The following IPO11 variants were observed in gnomAD, a reference collection of about 807,000 sequenced individuals.
IPO11 encodes the protein importin-11.
A neutral mutation model predicts 143.2 loss-of-function variants in IPO11; 66 were observed. The observed-to-expected ratio is 0.46, with a 90% CI of 0.38 to 0.57. IPO11 has a LOEUF of 0.57. IPO11 is among the 20% of genes least tolerant of loss of function. IPO11 has a pLI of 0.00. For synonymous variants in IPO11, 385 were observed against 377.8 expected (o/e 1.02, Z -0.22); for missense variants, 1,026 against 1,141.0 (o/e 0.90, Z 1.45).
chr5:62,542,805 G>A (rs1163509198), intron 24 of IPO11, among the ~76,000 whole-genome samples: 5 of 152,122 alleles, frequency 3.3e-5, no homozygotes, highest in South Asian at 2.1e-4. Flanking sequence ...TATTACAGCC[G>A]TACTACTATG....
chr5:62,578,127 C>A (rs375767038), intron 27 of IPO11, among the ~76,000 whole-genome samples: 1 of 152,044 alleles, frequency 6.6e-6, no homozygotes, highest in Non-Finnish European at 1.5e-5. Context: ...GCAAAGATAA[C>A]CTATGTCAGT....
chr5:62,560,389 T>C (rs1386210352), intron 26 of IPO11, among the ~76,000 whole-genome samples: 2 of 152,236 alleles, frequency 1.3e-5, no homozygotes, highest in Non-Finnish European at 2.9e-5. Context: ...AATTTCTTCT[T>C]TCCTGGGCAT....
At position 62,467,282 on chromosome 5, in the gene IPO11, T is replaced by C. The variant is rs753131279; in HGVS notation, c.649+19T>C. ...TTGAAAGGTACTATTAAGCTTGATA[T>C]GTTCATTTTTGAAATGAGATACCTC... On this transcript the variant is annotated intron_variant, in intron 6 of 29. Coordinates refer to ENST00000325324, the MANE Select transcript of IPO11 (RefSeq NM_016338.5). The C allele has an allele frequency of 3.8e-6, 6 of 1,599,914 alleles. No individual in the cohort carries two copies. The highest frequency in any genetic ancestry group is 5.1e-6 in the Non-Finnish European group (6 of 1,174,118).
In IPO11 at chr5:62,420,373, G is replaced by A. The variant is rs116801010; in HGVS notation, c.-7+7444G>A. Among the ~76,000 whole-genome samples, 668 of 151,630 alleles carry A rather than the reference G, an allele frequency of 4.4e-3. 7 individuals are homozygous for A. Among genetic ancestry groups the A allele is most frequent in the African/African-American group, 0.016 (644 of 41,366 alleles). The stretch of plus-strand genomic sequence containing the variant: ...GCTTATTATCACTTTCAAGTGTTAT[G>A]TACTGTACCTAATTGTATGTGCTCT... On this transcript the variant is annotated intron_variant, in intron 1 of 29. Coordinates refer to ENST00000325324, the MANE Select transcript of IPO11 (RefSeq NM_016338.5).
chr5:62,547,100 A>G (rs1017528498), intron 24 of IPO11, among the ~76,000 whole-genome samples: 1 of 152,190 alleles, frequency 6.6e-6, no homozygotes, highest in African/African-American at 2.4e-5. Flanking sequence ...CTATTTGAGA[A>G]GAATATTTCA....
In IPO11 at chr5:62,487,628, TTAC is replaced by T. The variant is rs1469720547; in HGVS notation, c.1219-141_1219-139del. On this transcript the variant is annotated intron_variant, in intron 12 of 29. Coordinates refer to ENST00000325324, the MANE Select transcript of IPO11 (RefSeq NM_016338.5). ...TGTTGGTTATAAAAAAATGGTAACC[TTAC>T]TTTTTTTTTTTAACAAATCAAAAGT... The T allele has an allele frequency of 1.3e-3, 1,042 of 832,158 alleles. 5 individuals are homozygous for T. In the African/African-American group the frequency reaches 0.026, roughly 21 times the overall value. 51.5% of individuals were successfully genotyped at this position (832,158 alleles called of 1,614,324 possible).
chr5:62,424,398 C>G (rs1446469488), intron 1 of IPO11, among the ~76,000 whole-genome samples: 6 of 151,816 alleles, frequency 4.0e-5, no homozygotes, highest in African/African-American at 1.5e-4. Flanking sequence ...CGGGGCCTCC[C>G]AAAGTGCTGG....
chr5:62,482,980 AC>A (rs1561329071), intron 9 of IPO11, 120 bp from the exon 10 acceptor site: 4 of 636,228 alleles, frequency 6.3e-6, no homozygotes, highest in Non-Finnish European at 1.1e-5. Context: ...GTGAACATAG[AC>A]TCCACACTAA....
chr5:62,446,174 TGTAATGTATAACA>T (rs1744711025), intron 3 of IPO11, among the ~76,000 whole-genome samples: 1 of 152,210 alleles, frequency 6.6e-6, no homozygotes, highest in Admixed American at 6.5e-5. Context: ...TTCTTTGAAG[TGTAATGTATAACA>T]GACTTTAAAA....
At chr5:62,570,600 T>C (rs1744102373) in intron 27 of IPO11, among the ~76,000 whole-genome samples, 1 of 152,216 alleles carries the variant, frequency 6.6e-6, no homozygotes, top group Non-Finnish European at 1.5e-5. Flanking sequence ...TTCATTGCAC[T>C]CTGGCATCTT....
At chr5:62,449,637 G>T in intron 3 of IPO11, 1 of 206,190 alleles carries the variant, frequency 4.8e-6, no homozygotes. Flanking sequence ...TTATTCAATT[G>T]TGAAGGAATT....
chr5:62,463,587 C>T (rs1010366130), intron 5 of IPO11, among the ~76,000 whole-genome samples: 1 of 151,448 alleles, frequency 6.6e-6, no homozygotes, highest in Non-Finnish European at 1.5e-5. Context: ...GAGGGGATTG[C>T]TTGAGCCCAG....
chr5:62,548,064 AGT>A (rs1239337923), intron 24 of IPO11, among the ~76,000 whole-genome samples: 4,149 of 152,172 alleles, frequency 0.027, 187 homozygotes, highest in African/African-American at 0.092. Context: ...AATTGTAGGC[AGT>A]ATGTATTGAT....
Position 62,451,762 on chromosome 5 carries a change from A to G in IPO11, c.345A>G (p.Lys115=), listed in dbSNP as rs972392678. 9.9e-6 allele frequency: 16 copies of G among 1,614,036 alleles called. No homozygotes were observed. In the East Asian group the frequency reaches 3.1e-4, roughly 31 times the overall value. Residue 115 remains lysine (K), a synonymous_variant, in exon 5 of 30, where the codon AAA becomes AAG. Transcript: ENST00000325324. ...IATQIAVLIA[K]VARLDCPRQW... ...CTCAGATTGCAGTGCTCATTGCAAA[A>G]GTTGCTAGATTGGATTGTCCCAGAC...
At chr5:62,546,484 A>T (rs1315258292) in intron 24 of IPO11, among the ~76,000 whole-genome samples, 1 of 152,116 alleles carries the variant, frequency 6.6e-6, no homozygotes, top group Admixed American at 6.6e-5. Context: ...GCATTAGGAG[A>T]TATACCTAAT....
intron 9 of IPO11, among the ~76,000 whole-genome samples, chr5:62,481,329 T>C (rs1746203167): frequency 6.6e-6 from 1 of 152,198 alleles, no homozygotes; most frequent in African/African-American, 2.4e-5. Flanking sequence ...GGTATCCCTG[T>C]CTTGTGCCAG....
intron 26 of IPO11, among the ~76,000 whole-genome samples, chr5:62,554,560 A>G (rs1027403914): frequency 1.3e-5 from 2 of 152,024 alleles, no homozygotes; most frequent in Non-Finnish European, 2.9e-5. Context: ...TATTCATGCT[A>G]TCTTTTTCTT....
chr5:62,607,384 ACTCT>A (rs923614798), intron 29 of IPO11, among the ~76,000 whole-genome samples: 1 of 151,600 alleles, frequency 6.6e-6, no homozygotes, highest in South Asian at 2.1e-4. Context: ...GAGTTTTTAA[ACTCT>A]CTCTGGATGA....
chr5:62,444,362 G>C (rs750350803), intron 3 of IPO11, among the ~76,000 whole-genome samples: 1 of 152,004 alleles, frequency 6.6e-6, no homozygotes, highest in African/African-American at 2.4e-5. Flanking sequence ...AAAGTGCTGG[G>C]ATTGCAGGTG....
Sources: gnomAD v4.1 joint callset for allele counts (sites outside exome capture counted in the v4.1 genomes callset) on GRCh38, gnomAD v4.1.1 for gene constraint, MANE v1.5 for transcripts, NCBI Gene and HGNC (gene_info 2026-07-23, HGNC 2026-07-21) for gene names.